The following SPAG16 variants were observed in gnomAD, a reference collection of about 807,000 sequenced individuals.
The protein encoded by SPAG16 is sperm associated antigen 16.
A neutral mutation model predicts 80.4 loss-of-function variants in SPAG16; 86 were observed. That is an observed-to-expected ratio of 1.07 (90% CI 0.90 to 1.28). The LOEUF (loss-of-function observed/expected upper bound fraction) is 1.28. Ranked by LOEUF, SPAG16 falls within the 50% of genes most tolerant of loss-of-function variation. The pLI, the probability that SPAG16 is intolerant of heterozygous loss-of-function variation, is 0.00. For synonymous variants in SPAG16, 294 were observed against 265.9 expected, an observed-to-expected ratio of 1.11 and a Z score of -1.03; for missense variants, 870 against 765.3, an observed-to-expected ratio of 1.14 and a Z score of -1.61.
At chr2:213,754,506 TTATGTC>T (rs1341235578) in intron 10 of SPAG16, among the ~76,000 whole-genome samples, 3 of 152,196 alleles carry the variant, frequency 2.0e-5, no homozygotes, top group African/African-American at 7.2e-5. Context: ...TACTTAAAGA[TTATGTC>T]TAGTCAGTGT....
At chr2:214,043,783 A>G (rs1214923819) in intron 13 of SPAG16, among the ~76,000 whole-genome samples, 1 of 152,144 alleles carries the variant, frequency 6.6e-6, no homozygotes, top group Non-Finnish European at 1.5e-5. Context: ...TTTTTTATTA[A>G]ATCCCTTTGA....
At chr2:213,492,934 G>T (rs1170554011) in intron 10 of SPAG16, among the ~76,000 whole-genome samples, 1 of 152,010 alleles carries the variant, frequency 6.6e-6, no homozygotes, top group African/African-American at 2.4e-5. Context: ...TTTCTATAAG[G>T]CAGTTATTAT....
At chr2:213,403,478 G>A (rs973793455) in intron 9 of SPAG16, among the ~76,000 whole-genome samples, 2 of 151,108 alleles carry the variant, frequency 1.3e-5, no homozygotes, top group South Asian at 4.2e-4. Context: ...CTCAATAGAT[G>A]CAGAAAAGGC....
chr2:213,519,863 G>A (rs2075591103), intron 10 of SPAG16, among the ~76,000 whole-genome samples: 1 of 152,066 alleles, frequency 6.6e-6, no homozygotes, highest in Non-Finnish European at 1.5e-5. Flanking sequence ...CTAATCCCCT[G>A]TACCTGTGAA....
chr2:213,956,694 G>C (rs773634087), intron 12 of SPAG16, among the ~76,000 whole-genome samples: 2 of 151,738 alleles, frequency 1.3e-5, no homozygotes, highest in Non-Finnish European at 2.9e-5. Flanking sequence ...GTGATCTGTC[G>C]TCTACCTTGG....
intron 10 of SPAG16, among the ~76,000 whole-genome samples, chr2:213,782,860 A>G (rs1455109642): frequency 6.6e-6 from 1 of 152,182 alleles, no homozygotes; most frequent in Non-Finnish European, 1.5e-5. Flanking sequence ...TTTCTCAAGC[A>G]AACTTTCATT....
intron 9 of SPAG16, among the ~76,000 whole-genome samples, chr2:213,413,231 C>T (rs941734188): frequency 1.3e-5 from 2 of 152,090 alleles, no homozygotes; most frequent in African/African-American, 4.8e-5. Flanking sequence ...CATAGAAGTT[C>T]ATGTGTGTCA....
intron 10 of SPAG16, among the ~76,000 whole-genome samples, chr2:213,493,628 C>T (rs1053992248): frequency 4.6e-5 from 7 of 151,972 alleles, no homozygotes; most frequent in South Asian, 2.1e-4. Context: ...CAGACTGGAG[C>T]GCAGTGGTGT....
chr2:214,357,382 A>C (rs920095205), intron 15 of SPAG16, among the ~76,000 whole-genome samples: 1 of 151,842 alleles, frequency 6.6e-6, no homozygotes, highest in Non-Finnish European at 1.5e-5. Flanking sequence ...GTCAACTTTA[A>C]TATTCCCATC....
intron 10 of SPAG16, among the ~76,000 whole-genome samples, chr2:213,695,261 G>C (rs753286918): frequency 6.6e-6 from 1 of 152,034 alleles, no homozygotes; most frequent in African/African-American, 2.4e-5. Flanking sequence ...GACCATCAGG[G>C]CAACTGTTCT....
rs148750815 is a variant in SPAG16 at position 213,721,391 on chromosome 2, G to A, written c.1071-141094G>A. Among the ~76,000 whole-genome samples the A allele has an allele frequency of 5.9e-3, 899 of 152,242 alleles. 2 individuals carry two copies. Among genetic ancestry groups the A allele is most frequent in the Non-Finnish European group, 8.8e-3 (599 of 68,016 alleles). On this transcript the variant is annotated intron_variant, in intron 10 of 15. Coordinates refer to ENST00000331683, the MANE Select transcript of SPAG16 (RefSeq NM_024532.5). Reference sequence around the variant, plus strand: ...TGAGATTACAGGCGTAAGCCACCGCGCCTGGCCTATAATTCCAATTTTAGC... The same window carrying A: ...TGAGATTACAGGCGTAAGCCACCGCACCTGGCCTATAATTCCAATTTTAGC...
At chr2:213,672,799 C>T (rs546168865) in intron 10 of SPAG16, among the ~76,000 whole-genome samples, 1 of 150,176 alleles carries the variant, frequency 6.7e-6, no homozygotes, top group South Asian at 2.1e-4. Flanking sequence ...GGAATTAGTT[C>T]TAAATAACTA....
At chr2:213,832,928 T>C (rs762645985) in intron 10 of SPAG16, among the ~76,000 whole-genome samples, 17 of 152,088 alleles carry the variant, frequency 1.1e-4, no homozygotes, top group Non-Finnish European at 2.1e-4. Flanking sequence ...CCATTCCACC[T>C]CTACACTATC....
chr2:213,936,200 A>G (rs962593224), intron 12 of SPAG16, among the ~76,000 whole-genome samples: 1 of 152,172 alleles, frequency 6.6e-6, no homozygotes, highest in Non-Finnish European at 1.5e-5. Context: ...AGCATGACCC[A>G]TGTGACTGCT....
intron 10 of SPAG16, among the ~76,000 whole-genome samples, chr2:213,797,650 C>G (rs568207673): frequency 1.3e-5 from 2 of 152,328 alleles, no homozygotes; most frequent in Admixed American, 1.3e-4. Flanking sequence ...TCCAAGGACA[C>G]GTTTCTCAGA....
chr2:213,799,063 T>A (rs6742236), intron 10 of SPAG16, among the ~76,000 whole-genome samples: 46,754 of 152,038 alleles, frequency 0.31, 7,406 homozygotes, highest in Middle Eastern at 0.39. Flanking sequence ...CATCTTTGTA[T>A]TTATGTAGAC....
At chr2:213,939,313 A>C (rs1453128187) in intron 12 of SPAG16, among the ~76,000 whole-genome samples, 4 of 152,220 alleles carry the variant, frequency 2.6e-5, no homozygotes, top group Non-Finnish European at 5.9e-5. Context: ...TGTGGAGCTT[A>C]CATTACAGAA....
At chr2:213,734,109 C>T (rs1017215489) in intron 10 of SPAG16, among the ~76,000 whole-genome samples, 8 of 152,156 alleles carry the variant, frequency 5.3e-5, no homozygotes, top group African/African-American at 1.9e-4. Context: ...TTTAGGCCTA[C>T]TCTTGTGGCG....
chr2:213,628,608 T>A (rs1241843699), intron 10 of SPAG16, among the ~76,000 whole-genome samples: 3 of 152,210 alleles, frequency 2.0e-5, no homozygotes, highest in African/African-American at 7.2e-5. Flanking sequence ...ACAACTTGGA[T>A]TCGCACAACT....
Sources: allele counts gnomAD v4.1 joint callset (sites outside exome capture counted in the v4.1 genomes callset), GRCh38; gene constraint gnomAD v4.1.1; transcripts MANE v1.5; gene names NCBI Gene and HGNC (gene_info 2026-07-23, HGNC 2026-07-21).